Variants in PDE6A observed in about 807,000 individuals in gnomAD.
The protein encoded by PDE6A is rod cGMP-specific 3',5'-cyclic phosphodiesterase subunit alpha.
Under a neutral mutation model 106.3 loss-of-function variants are expected in PDE6A, and 84 were observed. The observed-to-expected ratio is 0.79, with a 90% CI of 0.66 to 0.95. The LOEUF (loss-of-function observed/expected upper bound fraction) is 0.95. Among genes scored for constraint, PDE6A ranks in the 40% least tolerant of loss-of-function variants. The probability of loss-of-function intolerance (pLI) is 0.00; values close to 1 mark genes in which losing one functional copy is unlikely to be tolerated. For synonymous variants in PDE6A, 394 were observed against 386.6 expected (o/e 1.02, Z -0.23); for missense variants, 1,052 against 1,084.9 (o/e 0.97, Z 0.43).
chr5:149,930,084 T>C (rs1349786158), intron 4 of PDE6A, among the ~76,000 whole-genome samples: 1 of 152,140 alleles, frequency 6.6e-6, no homozygotes, highest in African/African-American at 2.4e-5. Flanking sequence ...TAAAGGCTCA[T>C]TAAAAAGAAT....
chr5:149,936,407 C>T (rs774738469), intron 1 of PDE6A, among the ~76,000 whole-genome samples: 3 of 152,134 alleles, frequency 2.0e-5, no homozygotes, highest in African/African-American at 7.2e-5. Context: ...GAAGTGGTAT[C>T]TGTGTCATTT....
intron 1 of PDE6A, among the ~76,000 whole-genome samples, chr5:149,937,275 G>A (rs1456901025): frequency 6.6e-6 from 1 of 152,238 alleles, no homozygotes; most frequent in Non-Finnish European, 1.5e-5. Flanking sequence ...GCATAGAGAG[G>A]GAGAGGGAAA....
chr5:149,865,543 A>T (rs1394319402), intron 20 of PDE6A, among the ~76,000 whole-genome samples: 1 of 152,222 alleles, frequency 6.6e-6, no homozygotes, highest in Non-Finnish European at 1.5e-5. Context: ...TGTATCTCAG[A>T]TGCTCTTGTT....
At chr5:149,877,102 C>T (rs909794712) in intron 17 of PDE6A, among the ~76,000 whole-genome samples, 3 of 152,138 alleles carry the variant, frequency 2.0e-5, no homozygotes, top group Non-Finnish European at 2.9e-5. Flanking sequence ...ACTGATGTGC[C>T]TTTGCCCTAG....
chr5:149,899,627 T>A, intron 8 of PDE6A, 103 bp from the exon 9 acceptor site: 1 of 1,133,910 alleles, frequency 8.8e-7, no homozygotes, highest in Non-Finnish European at 1.3e-6. Context: ...TGAGAGGAGG[T>A]GGCAAGAGGA....
In PDE6A at chr5:149,863,114, C is replaced by T. The variant is rs757823624; in HGVS notation, c.2506+5G>A. 6.2e-7 allele frequency: 1 copy of T among 1,614,232 alleles called. No individual in the cohort carries two copies. The highest frequency in any genetic ancestry group is 8.5e-7 in the Non-Finnish European group (1 of 1,180,028). On this transcript the variant is annotated splice_donor_5th_base_variant and intron_variant, in intron 21 of 21. Transcript: ENST00000255266. The surrounding 1 kb of genome is among the most constrained non-coding windows in gnomAD (Gnocchi z 4.7). ...TGGGAGTCCCTGCTTCCCCCTTCCACAAACCTGACTTGGCCGACTGCTGTT... is the reference window on the plus strand; with the variant it reads ...TGGGAGTCCCTGCTTCCCCCTTCCATAAACCTGACTTGGCCGACTGCTGTT...
At chr5:149,921,838 A>T in intron 4 of PDE6A, 129 bp from the exon 5 acceptor site, 1 of 766,704 alleles carries the variant, frequency 1.3e-6, no homozygotes, top group Non-Finnish European at 2.3e-6. Context: ...TGAAACCTAA[A>T]CTTGGAAAGG....
At chr5:149,870,848 A>T (rs1486129815) in intron 17 of PDE6A, among the ~76,000 whole-genome samples, 1 of 149,244 alleles carries the variant, frequency 6.7e-6, no homozygotes, top group African/African-American at 2.6e-5. Flanking sequence ...GTGAAAAAAG[A>T]AGAAGAAAGA....
At chr5:149,861,661 GAAA>G (rs1221439145) in intron 21 of PDE6A, among the ~76,000 whole-genome samples, 2 of 151,832 alleles carry the variant, frequency 1.3e-5, no homozygotes, top group South Asian at 2.1e-4. Context: ...AAAAAAGAAA[GAAA>G]AAGAGGCTGT....
At chr5:149,918,196 G>A (rs564904578) in intron 5 of PDE6A, among the ~76,000 whole-genome samples, 27 of 152,194 alleles carry the variant, frequency 1.8e-4, no homozygotes, top group East Asian at 9.6e-4. Flanking sequence ...TTTTTGCCCC[G>A]TCCAAGGGTC....
At chr5:149,895,520 T>TGTC (rs1491451666) in intron 12 of PDE6A, among the ~76,000 whole-genome samples, 30 of 152,044 alleles carry the variant, frequency 2.0e-4, no homozygotes, top group African/African-American at 6.5e-4. Context: ...TTGTTGTTGT[T>TGTC]GTTAGGAAAC....
intron 13 of PDE6A, among the ~76,000 whole-genome samples, 174 bp from the exon 14 acceptor site, chr5:149,886,548 G>A (rs947420712): frequency 2.0e-5 from 3 of 152,128 alleles, no homozygotes; most frequent in African/African-American, 4.8e-5. Context: ...GGGGTTTTTT[G>A]GATATGGGAC....
intron 1 of PDE6A, among the ~76,000 whole-genome samples, chr5:149,936,096 G>A (rs192644748): frequency 9.3e-4 from 141 of 151,154 alleles, no homozygotes; most frequent in African/African-American, 3.4e-3. Context: ...GGAGGCTGCA[G>A]TGAGCTATGA....
chr5:149,909,047 G>A (rs1753289574), intron 6 of PDE6A, among the ~76,000 whole-genome samples: 1 of 151,892 alleles, frequency 6.6e-6, no homozygotes, highest in Non-Finnish European at 1.5e-5. Flanking sequence ...TTTTTTTCAA[G>A]ATAGGGTCTT....
intron 6 of PDE6A, among the ~76,000 whole-genome samples, chr5:149,912,674 A>T (rs911284387): frequency 6.6e-6 from 1 of 152,062 alleles, no homozygotes; most frequent in African/African-American, 2.4e-5. Context: ...CATATCTCCA[A>T]CCACACCCGC....
At chr5:149,937,839 T>C (rs575391740) in intron 1 of PDE6A, among the ~76,000 whole-genome samples, 1 of 152,308 alleles carries the variant, frequency 6.6e-6, no homozygotes, top group East Asian at 1.9e-4. Flanking sequence ...CTGACATATA[T>C]TATCTCATTA....
Position 149,895,168 on chromosome 5 carries a change from C to T in PDE6A, c.1728+15G>A, listed in dbSNP as rs1312916317. 1.9e-6 allele frequency: 3 copies of T among 1,568,870 alleles called. No homozygotes were observed. Among genetic ancestry groups the T allele is most frequent in the African/African-American group, 2.7e-5 (2 of 74,076 alleles). On this transcript the variant is annotated intron_variant, in intron 13 of 21. Transcript: ENST00000255266. ...ATGCAAGCCCACCCTACCAGCCCCA[C>T]CGGCCCCGCCATACCACCAGCAGGG...
At chr5:149,862,969 G>T in intron 21 of PDE6A, 150 bp downstream of exon 21, 1 of 1,007,054 alleles carries the variant, frequency 9.9e-7, no homozygotes, top group Non-Finnish European at 1.6e-6. Context: ...GTCTCTTCCA[G>T]CCTTGGTGCT....
chr5:149,884,648 G>T, intron 15 of PDE6A, 69 bp from the exon 16 acceptor site: 1 of 1,428,906 alleles, frequency 7.0e-7, no homozygotes, highest in Non-Finnish European at 9.9e-7. Flanking sequence ...ACCTACCAAT[G>T]GCCACCCCAG....
Sources: allele counts gnomAD v4.1 joint callset (sites outside exome capture counted in the v4.1 genomes callset), GRCh38; gene constraint gnomAD v4.1.1; non-coding constraint Gnocchi (gnomAD v3.1); transcripts MANE v1.5; gene names NCBI Gene and HGNC (gene_info 2026-07-23, HGNC 2026-07-21).